ZNF394: variants seen among roughly 807,000 people sequenced by gnomAD.
The protein encoded by ZNF394 is zinc finger protein 394.
Under a neutral mutation model 21.8 loss-of-function variants are expected in ZNF394, and 19 were observed. The ratio of observed to expected loss-of-function variants is 0.87; its 90% CI spans 0.61 to 1.28. The LOEUF (loss-of-function observed/expected upper bound fraction) is 1.28, where lower values mean the gene tolerates loss of function less well. Among genes scored for constraint, ZNF394 ranks in the 50% most tolerant of loss-of-function variants. The probability of loss-of-function intolerance (pLI) is 0.00; values close to 1 mark genes in which losing one functional copy is unlikely to be tolerated. For synonymous variants in ZNF394, 294 were observed against 273.3 expected, an observed-to-expected ratio of 1.08 and a Z score of -0.75; for missense variants, 683 against 708.6, an observed-to-expected ratio of 0.96 and a Z score of 0.41.
downstream of ZNF394, among the ~76,000 whole-genome samples, chr7:99,489,606 T>C (rs1449624908): frequency 6.6e-6 from 1 of 152,132 alleles, no homozygotes; most frequent in African/African-American, 2.4e-5. Context: ...TTCTGTCTCT[T>C]CCACCTTCCC....
chr7:99,486,730 A>C, exon 2 of ZNF394: 1 of 1,614,268 alleles, frequency 6.2e-7, no homozygotes, highest in Non-Finnish European at 8.5e-7. Context: ...GAAGCAGGGC[A>C]GATATGATGA....
At chr7:99,491,079 A>C (rs970946991), downstream of ZNF394, among the ~76,000 whole-genome samples, 1 of 152,018 alleles carries the variant, frequency 6.6e-6, no homozygotes, top group Non-Finnish European at 1.5e-5. Flanking sequence ...CAGCTCACCT[A>C]CATCAGGGAG....
chr7:99,496,909 T>G (rs1800330686), intron 2 of ZNF394, among the ~76,000 whole-genome samples: 1 of 150,858 alleles, frequency 6.6e-6, no homozygotes, highest in Non-Finnish European at 1.5e-5. Context: ...GAAAGAAAAA[T>G]TATTAGTATT....
rs1357109547 is a variant in ZNF394 at position 99,500,037 on chromosome 7, C to G, written c.57G>C (p.Trp19Cys). 2.5e-6 allele frequency: 4 copies of G among 1,598,446 alleles called. No individual in the cohort carries two copies. The highest frequency in any genetic ancestry group is 3.4e-6 in the Non-Finnish European group (4 of 1,175,542). The change falls in exon 1 of 3, where the codon TGG becomes TGC. Residue 19 changes from tryptophan to cysteine, a missense_variant. Coordinates refer to ENST00000337673, the MANE Select transcript of ZNF394 (RefSeq NM_032164.4). ...CGTCCTTGGACCTCGCAGCCATCAC[C>G]CAGGGTCCCAACTCGGCGTCACTGC... ...RRGSDAELGP[W>C]VMAARSKDAA... is the part of the protein sequence containing the mutation.
Position 99,499,713 on chromosome 7 carries a change from G to A in ZNF394, c.381C>T (p.His127=), listed in dbSNP as rs777654850. Residue 127 remains histidine, a synonymous_variant, in exon 1 of 3, where the codon CAC becomes CAT. Transcript: ENST00000337673. The part of the protein sequence containing the change: ...PEELQAWVRE[H]CPESGEEAVA... ...CCGCCTCCTCCCCGCTCTCTGGGCA[G>A]TGCTCTCGCACCCAGGCTTGAAGCT... The A allele has an allele frequency of 2.5e-6, 4 of 1,613,750 alleles. No individual in the cohort carries two copies. In the Middle Eastern group the frequency reaches 6.6e-4, roughly 266 times the overall value.
Position 99,493,432 on chromosome 7 carries a change from T to A in ZNF394, c.*97A>T. 8.3e-7 allele frequency: 1 copy of A among 1,199,950 alleles called. No homozygotes were observed. Among genetic ancestry groups the A allele is most frequent in the Non-Finnish European group, 1.2e-6 (1 of 866,468 alleles). 74.3% of individuals were successfully genotyped at this position (1,199,950 alleles called of 1,614,324 possible). On this transcript the variant is annotated 3_prime_UTR_variant, in exon 3 of 3. Transcript: ENST00000337673. Reference sequence around the variant, plus strand: ...CCACCATGCCCGGCTCATTTTTGTATTTTTAGTAGAGACAGGATTTTACCA... The same window carrying A: ...CCACCATGCCCGGCTCATTTTTGTAATTTTAGTAGAGACAGGATTTTACCA...
At chr7:99,491,005 T>C (rs956888995), downstream of ZNF394, among the ~76,000 whole-genome samples, 1 of 152,082 alleles carries the variant, frequency 6.6e-6, no homozygotes, top group Non-Finnish European at 1.5e-5. Context: ...CAGGGGCCAC[T>C]AGTGCCCTGA....
downstream of ZNF394, among the ~76,000 whole-genome samples, chr7:99,490,203 G>A (rs1407574127): frequency 1.4e-5 from 2 of 139,254 alleles, no homozygotes; most frequent in African/African-American, 5.4e-5. Flanking sequence ...TTTCCAGGCT[G>A]GAGTGCAGCG....
rs1476469323 is a variant in ZNF394, at chr7:99,493,406, ACCACC to A, written c.*118_*122del. The stretch of plus-strand genomic sequence containing the variant: ...CGAATAGCTGGGCTTACAGGCATGC[ACCACC>A]ATGCCCGGCTCATTTTTGTATTTTT... On this transcript the variant is annotated 3_prime_UTR_variant, in exon 3 of 3. Transcript: ENST00000337673. 1 of 1,034,810 alleles carries A rather than the reference ACCACC, an allele frequency of 9.7e-7. No individual in the cohort carries two copies. The highest frequency in any genetic ancestry group is 2.6e-5 in the East Asian group (1 of 38,270). The allele number at this position is 1,034,810 out of a possible 1,614,324, so 64.1% of individuals were successfully genotyped here.
chr7:99,498,773 G>A lies in ZNF394; in HGVS notation c.526C>T (p.Arg176Trp), dbSNP rs1231814465. ...WEEWERLDPARRDFCRESAQK... is the reference protein window; with the variant it reads ...WEEWERLDPAWRDFCRESAQK... ...GCACTCTCTCTGCAGAAGTCCCTCC[G>A]TGCTGGGTCCAGGCGCTCCCACTCC... Residue 176 changes from arginine (R) to tryptophan (W), a missense_variant, in exon 2 of 3, where the codon CGG (arginine) becomes TGG (tryptophan). Arg to Trp is a moderately radical substitution (Grantham distance 101). Coordinates refer to ENST00000337673, the MANE Select transcript of ZNF394 (RefSeq NM_032164.4). The A allele has an allele frequency of 1.9e-6, 3 of 1,613,932 alleles. No individual in the cohort carries two copies. The highest frequency in any genetic ancestry group is 2.5e-6 in the Non-Finnish European group (3 of 1,180,012).
At chr7:99,487,947 C>A (rs139042541) in intron 1 of ZNF394, among the ~76,000 whole-genome samples, 1,944 of 152,100 alleles carry the variant, frequency 0.013, 37 homozygotes, top group African/African-American at 0.044. Context: ...TGGCAGGCGC[C>A]TGTAGTCCCA....
chr7:99,494,085 T>C lies in ZNF394; in HGVS notation c.1130A>G (p.Gln377Arg), dbSNP rs1584584517. The C allele has an allele frequency of 6.2e-7, 1 of 1,614,188 alleles. No individual in the cohort carries two copies. The highest frequency in any genetic ancestry group is 8.5e-7 in the Non-Finnish European group (1 of 1,180,044). ...FKQRSDLFRH[Q>R]RIHTGEKPYG... ...GGGTTTCTCACCTGTGTGGATTCTC[T>C]GGTGTCTAAAGAGGTCAGAGCGTTG... is the stretch of plus-strand genomic sequence containing the variant. The change falls in exon 3 of 3, where the codon CAG (glutamine) becomes CGG (arginine). Residue 377 changes from glutamine (Q) to arginine (R), a missense_variant. Gln to Arg is a conservative substitution (Grantham distance 43, BLOSUM62 1). This residue lies in a region of ZNF394 where 274 missense variants were observed against 314.1 expected (regional missense o/e 0.87). Transcript: ENST00000337673.
chr7:99,498,107 C>G (rs964304920), intron 2 of ZNF394: 1 of 152,296 alleles, frequency 6.6e-6, no homozygotes, highest in Non-Finnish European at 1.5e-5. Flanking sequence ...CGGTGCAATG[C>G]TGTAATGGTT....
chr7:99,498,866 T>C (rs879094473), intron 1 of ZNF394, 24 bp from the exon 2 acceptor site: 4 of 1,604,640 alleles, frequency 2.5e-6, no homozygotes, highest in South Asian at 2.2e-5. Flanking sequence ...AGAGCCCCAT[T>C]CAGTACCTGC....
chr7:99,496,917 A>C (rs1188824180), intron 2 of ZNF394, among the ~76,000 whole-genome samples: 1 of 151,176 alleles, frequency 6.6e-6, no homozygotes, highest in Non-Finnish European at 1.5e-5. Context: ...AATTATTAGT[A>C]TTGCTGGTGG....
chr7:99,493,617 C>T lies in ZNF394; in HGVS notation c.1598G>A (p.Arg533Lys). 1 of 1,614,202 alleles carries T rather than the reference C, an allele frequency of 6.2e-7. No individual in the cohort carries two copies. The highest frequency in any genetic ancestry group is 8.5e-7 in the Non-Finnish European group (1 of 1,180,042). Residue 533 changes from arginine to lysine, a missense_variant, in exon 3 of 3, where the codon AGA (arginine) becomes AAA (lysine). By Grantham distance (26) the Arg-to-Lys change is conservative. Around this residue, in one of 3 missense-constraint regions of ZNF394, gnomAD observed 274 missense variants for 314.1 expected, o/e 0.87. Transcript: ENST00000337673. ...KPYKCLECGE[R>K]FRQSTHLIRH... The stretch of plus-strand genomic sequence containing the variant: ...GATAAGGTGTGTACTTTGTCTAAAT[C>T]TTTCCCCACATTCAAGACATTTGTA...
rs145350510 is a variant in ZNF394 at position 99,498,734 on chromosome 7, C to A, written c.565G>T (p.Gly189Trp). 26 of 1,613,922 alleles carry A rather than the reference C, an allele frequency of 1.6e-5. No individual in the cohort carries two copies. The highest frequency in any genetic ancestry group is 2.7e-5 in the African/African-American group (2 of 74,894). The change falls in exon 2 of 3, where the codon GGG becomes TGG. Residue 189 changes from glycine to tryptophan, a missense_variant. Gly to Trp is a radical substitution (Grantham distance 184). This residue lies in a region of ZNF394 where 402 missense variants were observed against 373.8 expected (regional missense o/e 1.08). Coordinates refer to ENST00000337673, the MANE Select transcript of ZNF394 (RefSeq NM_032164.4). ...CACTCACTCGGCGGAACTGTGCTCC[C>A]GGAATCCTTCTGCGCACTCTCTCTG... ...FCRESAQKDS[G>W]STVPPSLESR...
At chr7:99,488,654 G>A (rs1206492869), downstream of ZNF394, among the ~76,000 whole-genome samples, 1 of 151,628 alleles carries the variant, frequency 6.6e-6, no homozygotes, top group Non-Finnish European at 1.5e-5. Context: ...ATCAGGCCGG[G>A]CATGGTGGCT....
Position 99,500,019 on chromosome 7 carries a change from G to C in ZNF394, c.75C>G (p.Ser25=), listed in dbSNP as rs372558510. The C allele has an allele frequency of 2.5e-6, 4 of 1,606,296 alleles. No individual in the cohort carries two copies. The highest frequency in any genetic ancestry group is 3.4e-6 in the Non-Finnish European group (4 of 1,178,652). The change falls in exon 1 of 3, where the codon TCC becomes TCG. Residue 25 remains serine, a synonymous_variant. Coordinates refer to ENST00000337673, the MANE Select transcript of ZNF394 (RefSeq NM_032164.4). The part of the protein sequence containing the change: ...ELGPWVMAAR[S]KDAAPSQRDG... ...CGCGTTGGGACGGCGCCGCGTCCTT[G>C]GACCTCGCAGCCATCACCCAGGGTC...
Sources: gnomAD v4.1 joint callset for allele counts (sites outside exome capture counted in the v4.1 genomes callset) on GRCh38, gnomAD v4.1.1 for gene constraint, gnomAD v4.1.1 regional missense constraint, MANE v1.5 for transcripts, NCBI Gene and HGNC (gene_info 2026-07-23, HGNC 2026-07-21) for gene names.